Variants in CRYBB1 observed in about 807,000 individuals in gnomAD.
CRYBB1 encodes the protein crystallin beta B1.
CRYBB1 carries 16 observed loss-of-function variants against 29.5 expected under a neutral mutation model. The ratio of observed to expected loss-of-function variants is 0.54; its 90% CI spans 0.37 to 0.82. The LOEUF is 0.82. CRYBB1 is among the 40% of genes least tolerant of loss of function. CRYBB1 has a pLI of 0.00. For missense variants in CRYBB1, 300 were observed against 350.5 expected (o/e 0.86, Z 1.15); for synonymous variants, 127 against 136.7 (o/e 0.93, Z 0.49).
At chr22:26,612,610 C>T (rs1929213862) in intron 2 of CRYBB1, among the ~76,000 whole-genome samples, 1 of 152,220 alleles carries the variant, frequency 6.6e-6, no homozygotes, top group Non-Finnish European at 1.5e-5. Flanking sequence ...GCCTTGGCTT[C>T]CCAAAGTGTT....
At position 26,607,932 on chromosome 22, in the gene CRYBB1, C is replaced by A. The variant is rs748354975; in HGVS notation, c.389G>T (p.Ser130Ile). The part of the protein sequence containing the change: ...EYPRWNTWSS[S>I]YRSDRLMSFR... ...GGACATGAGCCGATCACTGCGGTAG[C>A]TGCTCGACCATGTGTTCCAGCGAGG... Residue 130 changes from serine (S) to isoleucine (I), a missense_variant, in exon 4 of 6, where the codon AGC (serine) becomes ATC (isoleucine). Transcript: ENST00000647684. The A allele has an allele frequency of 6.2e-7, 1 of 1,614,236 alleles. No homozygotes were observed. The highest frequency in any genetic ancestry group is 2.2e-5 in the East Asian group (1 of 44,890).
chr22:26,601,940 G>C lies in CRYBB1; in HGVS notation c.514C>G (p.Pro172Ala). The C allele has an allele frequency of 6.2e-7, 1 of 1,613,294 alleles. No homozygotes were observed. The change falls in exon 5 of 6, where the codon CCC (proline) becomes GCC (alanine). Residue 172 changes from proline to alanine, a missense_variant. Pro to Ala is a conservative substitution (Grantham distance 27). Transcript: ENST00000647684. The part of the protein sequence containing the change: ...NTIEIQGDDA[P>A]SLWVYGFSDR... Reference sequence around the variant, plus strand: ...CTGAAGCCGTAGACCCAGAGACTGGGTGCGTCGTCCCCCTGGATCTCTATG... The same window carrying C: ...CTGAAGCCGTAGACCCAGAGACTGGCTGCGTCGTCCCCCTGGATCTCTATG...
At chr22:26,610,153 AT>A (rs1929112423) in intron 3 of CRYBB1, among the ~76,000 whole-genome samples, 1 of 152,138 alleles carries the variant, frequency 6.6e-6, no homozygotes, top group Admixed American at 6.5e-5. Context: ...CCCATGGCTC[AT>A]TTCAACCCGC....
rs201400887 is a variant in CRYBB1 at position 26,601,871 on chromosome 22, A to C, written c.575+8T>G. 6.2e-7 allele frequency: 1 copy of C among 1,611,606 alleles called. No homozygotes were observed. Among genetic ancestry groups the C allele is most frequent in the Non-Finnish European group, 8.5e-7 (1 of 1,179,780 alleles). ...AGGGGACGCGGACCTGGCAGGAGGG[A>C]TGCTTACGTTCCACTGGAGACCTTC... is the stretch of plus-strand genomic sequence containing the variant. On this transcript the variant is annotated splice_region_variant and intron_variant, in intron 5 of 5. Transcript: ENST00000647684.
At chr22:26,604,539 T>C (rs1053122322) in intron 4 of CRYBB1, among the ~76,000 whole-genome samples, 2 of 152,112 alleles carry the variant, frequency 1.3e-5, no homozygotes, top group African/African-American at 4.8e-5. Context: ...CAGGGAAGGC[T>C]TCATGGAAGA....
chr22:26,599,638 T>C lies in CRYBB1; in HGVS notation c.611A>G (p.Tyr204Cys). The change falls in exon 6 of 6, where the codon TAC (tyrosine) becomes TGC (cysteine). Residue 204 changes from tyrosine (Y) to cysteine (C), a missense_variant. Tyr to Cys is a radical substitution (Grantham distance 194). Transcript: ENST00000647684. ...VGYQYPGYRG[Y>C]QYLLEPGDFR... ...GTCACCAGGCTCTAGGAGGTACTGG[T>C]ACCCGCGGTAGCCAGGATACTGATA... The C allele has an allele frequency of 1.9e-6, 3 of 1,614,144 alleles. No homozygotes were observed. The highest frequency in any genetic ancestry group is 1.7e-6 in the Non-Finnish European group (2 of 1,179,990).
Position 26,599,580 on chromosome 22 carries a change from C to T in CRYBB1, c.669G>A (p.Gln223=). The change falls in exon 6 of 6, where the codon CAG becomes CAA. Residue 223 remains glutamine, a synonymous_variant. Coordinates refer to ENST00000647684, the MANE Select transcript of CRYBB1 (RefSeq NM_001887.4). ...FRHWNEWGAF[Q]PQMQSLRRLR... is the part of the protein sequence containing the mutation. The stretch of plus-strand genomic sequence containing the variant: ...GGCGACGCAGGGACTGCATCTGTGG[C>T]TGGAAGGCTCCCCACTCATTCCAGT... 1 of 1,614,218 alleles carries T rather than the reference C, an allele frequency of 6.2e-7. No individual in the cohort carries two copies. The highest frequency in any genetic ancestry group is 2.2e-5 in the East Asian group (1 of 44,884).
chr22:26,609,674 A>G (rs1929096989), intron 3 of CRYBB1, among the ~76,000 whole-genome samples: 1 of 152,214 alleles, frequency 6.6e-6, no homozygotes. Context: ...ATGGGTAAGT[A>G]GATGGATGAT....
Sources: allele counts gnomAD v4.1 joint callset (sites outside exome capture counted in the v4.1 genomes callset), GRCh38; gene constraint gnomAD v4.1.1; transcripts MANE v1.5; gene names NCBI Gene and HGNC (gene_info 2026-07-23, HGNC 2026-07-21).